The following DLEC1 variants were observed in gnomAD, a reference collection of about 807,000 sequenced individuals.
The protein encoded by DLEC1 is deleted in lung and esophageal cancer protein 1.
In DLEC1, 146 loss-of-function variants were observed where a neutral mutation model predicts 198.1. That is an observed-to-expected ratio of 0.74 (90% CI 0.64 to 0.85). The LOEUF (loss-of-function observed/expected upper bound fraction) is 0.85, where lower values mean the gene tolerates loss of function less well. Among genes scored for constraint, DLEC1 ranks in the 40% least tolerant of loss-of-function variants. The pLI is 0.00. For missense variants in DLEC1, 2,233 were observed against 2,220.0 expected (o/e 1.01, Z -0.12); for synonymous variants, 897 against 866.8 (o/e 1.03, Z -0.61).
At position 38,120,612 on chromosome 3, in the gene DLEC1, A is replaced by C. The variant is rs762348015; in HGVS notation, c.4866+3A>C. 4.3e-6 allele frequency: 7 copies of C among 1,612,928 alleles called. No homozygotes were observed. The South Asian group carries it at 4.4e-5, about 10-fold the overall frequency. ...AGTACACCAACCAGACCACTCAGGC[A>C]CGCCCCAGGCCCACCTACATGTGGA... is the stretch of plus-strand genomic sequence containing the variant. On this transcript the variant is annotated splice_donor_region_variant and intron_variant, in intron 34 of 36. Transcript: ENST00000308059.
chr3:38,106,776 A>C (rs966096203), intron 19 of DLEC1, among the ~76,000 whole-genome samples: 5 of 151,610 alleles, frequency 3.3e-5, no homozygotes, highest in Admixed American at 6.6e-5. Context: ...AAAAAAAAAA[A>C]AAAGACCTTT....
chr3:38,052,390 G>T (rs1701164970), intron 2 of DLEC1: 2 of 272,090 alleles, frequency 7.4e-6, no homozygotes, highest in Non-Finnish European at 7.5e-6. Context: ...TTGCTGGAAT[G>T]GTTCGGATAG....
intron 34 of DLEC1, among the ~76,000 whole-genome samples, chr3:38,120,985 G>C (rs994914186): frequency 6.6e-6 from 1 of 152,188 alleles, no homozygotes; most frequent in Admixed American, 6.5e-5. Context: ...ACAGCCCTGG[G>C]GCTTGCCAGG....
intron 19 of DLEC1, 36 bp downstream of exon 19, chr3:38,100,461 T>C: frequency 6.3e-7 from 1 of 1,578,188 alleles, no homozygotes; most frequent in Non-Finnish European, 8.6e-7. Flanking sequence ...TACAACAAAC[T>C]ATGCATATTC....
At chr3:38,079,671 C>T (rs1344045117) in intron 6 of DLEC1, among the ~76,000 whole-genome samples, 1 of 152,148 alleles carries the variant, frequency 6.6e-6, no homozygotes, top group African/African-American at 2.4e-5. Flanking sequence ...ACAGATGGGA[C>T]GTGGCTTAGG....
At chr3:38,087,652 T>TA (rs2125679893) in intron 9 of DLEC1, among the ~76,000 whole-genome samples, 2 of 152,372 alleles carry the variant, frequency 1.3e-5, no homozygotes, top group East Asian at 3.9e-4. Flanking sequence ...ATTTTTCTCA[T>TA]AGCAAAGATA....
At chr3:38,061,506 T>G (rs1474402962) in intron 3 of DLEC1, among the ~76,000 whole-genome samples, 1 of 152,156 alleles carries the variant, frequency 6.6e-6, no homozygotes, top group Non-Finnish European at 1.5e-5. Context: ...ATCTTAACAG[T>G]GTAAAAAGCT....
intron 6 of DLEC1, 145 bp from the exon 7 acceptor site, chr3:38,084,013 G>A: frequency 1.5e-6 from 1 of 655,684 alleles, no homozygotes; most frequent in Non-Finnish European, 2.6e-6. Context: ...GTACCCCTCA[G>A]CCAGCTTCGA....
chr3:38,115,010 C>G lies in DLEC1; in HGVS notation c.3813C>G (p.Asp1271Glu), dbSNP rs746716451. The change falls in exon 27 of 37, where the codon GAC becomes GAG. Residue 1271 changes from aspartate to glutamate, a missense_variant. Physicochemically the swap from Asp to Glu is conservative, Grantham distance 45. Transcript: ENST00000308059. ...TCGGCACCCAGGTCTCCGGAGGAGA[C>G]ACAGTTACCCGAACCCTTCGCCTGA... is the stretch of plus-strand genomic sequence containing the variant. ...MRFGTQVSGG[D>E]TVTRTLRLNN... The G allele has an allele frequency of 3.2e-5, 51 of 1,613,872 alleles. No individual in the cohort carries two copies. The highest frequency in any genetic ancestry group is 2.5e-4 in the Admixed American group (15 of 59,990).
chr3:38,050,313 C>T (rs770886086), intron 2 of DLEC1, among the ~76,000 whole-genome samples: 1 of 152,092 alleles, frequency 6.6e-6, no homozygotes, highest in African/African-American at 2.4e-5. Context: ...TAAGAAAGCC[C>T]TGCTTCAGTG....
At chr3:38,113,135 CA>C (rs759047465) in intron 25 of DLEC1, among the ~76,000 whole-genome samples, 42 of 152,140 alleles carry the variant, frequency 2.8e-4, no homozygotes, top group Non-Finnish European at 4.6e-4. Context: ...CAAATACAGA[CA>C]GACGGCCAAT....
chr3:38,109,743 C>T (rs1434739175), intron 22 of DLEC1, 181 bp downstream of exon 22: 1 of 1,064,404 alleles, frequency 9.4e-7, no homozygotes. Flanking sequence ...TTTACCCCAT[C>T]CCTGCCCTCT....
intron 2 of DLEC1, among the ~76,000 whole-genome samples, chr3:38,047,291 A>G (rs539682896): frequency 6.6e-6 from 1 of 152,314 alleles, no homozygotes; most frequent in South Asian, 2.1e-4. Context: ...AGATAAGTTG[A>G]CTTTATTAAT....
At position 38,123,210 on chromosome 3, in the gene DLEC1, G is replaced by A; in HGVS notation, c.*798G>A. On this transcript the variant is annotated 3_prime_UTR_variant, in exon 37 of 37. Transcript: ENST00000308059. ...TGACCCAGAAGGACGTCATGGACAA[G>A]TAGGATGCAAAACCATCAGACCAGA... is the stretch of plus-strand genomic sequence containing the variant. 7.6e-7 allele frequency: 1 copy of A among 1,310,838 alleles called. No homozygotes were observed. Among genetic ancestry groups the A allele is most frequent in the Non-Finnish European group, 1.1e-6 (1 of 909,268 alleles). 81.2% of individuals were successfully genotyped at this position (1,310,838 alleles called of 1,614,324 possible). A position where few individuals can be genotyped will look rare whatever the true frequency, so the allele number is the denominator to read the frequency against.
Position 38,095,918 on chromosome 3 carries a change from G to A in DLEC1, c.2143G>A (p.Val715Met). Reference protein sequence around the residue: ...LRDFHSVLQMVLEEVPEPVSS... With the variant: ...LRDFHSVLQMMLEEVPEPVSS... ...GGATTTTCACAGTGTGCTCCAGATG[G>A]TGCTAGAGGAAGTCCCAGAGCCTGT... The change falls in exon 14 of 37, where the codon GTG becomes ATG. Residue 715 changes from valine (V) to methionine (M), a missense_variant. Transcript: ENST00000308059. 1.9e-6 allele frequency: 3 copies of A among 1,613,886 alleles called. No individual in the cohort carries two copies. The highest frequency in any genetic ancestry group is 2.5e-6 in the Non-Finnish European group (3 of 1,180,026).
At chr3:38,095,820 C>T (rs904391842) in intron 13 of DLEC1, 68 bp from the exon 14 acceptor site, 9 of 1,597,346 alleles carry the variant, frequency 5.6e-6, no homozygotes, top group Non-Finnish European at 6.9e-6. Context: ...CCTGCCATGC[C>T]CCAGCCTTCT....
chr3:38,109,611 GGCA>G, intron 22 of DLEC1, 49 bp downstream of exon 22: 9 of 1,611,508 alleles, frequency 5.6e-6, no homozygotes, highest in Non-Finnish European at 6.8e-6. Flanking sequence ...TGAGGAATGA[GGCA>G]GCCGCGCCCA....
At chr3:38,057,818 T>C (rs1341921354) in intron 2 of DLEC1, among the ~76,000 whole-genome samples, 1 of 50,564 alleles carries the variant, frequency 2.0e-5, no homozygotes, top group Non-Finnish European at 4.0e-5. Flanking sequence ...GTATTATTCC[T>C]TTTTTTTTTT....
intron 6 of DLEC1, among the ~76,000 whole-genome samples, chr3:38,071,731 G>C (rs1697329300): frequency 6.6e-6 from 1 of 152,212 alleles, no homozygotes; most frequent in African/African-American, 2.4e-5. Context: ...GGAAGTAAAG[G>C]GGCCTTGAGT....
Sources: allele counts gnomAD v4.1 joint callset (sites outside exome capture counted in the v4.1 genomes callset), GRCh38; gene constraint gnomAD v4.1.1; transcripts MANE v1.5; gene names NCBI Gene and HGNC (gene_info 2026-07-23, HGNC 2026-07-21).